ANKS1B: variants seen among roughly 807,000 people sequenced by gnomAD.
ANKS1B encodes the protein ankyrin repeat and sterile alpha motif domain-containing protein 1B.
A neutral mutation model predicts 148.3 loss-of-function variants in ANKS1B; 36 were observed. That is an observed-to-expected ratio of 0.24 (90% CI 0.19 to 0.32). The LOEUF is 0.32. Ranked by LOEUF, ANKS1B falls within the 10% of genes least tolerant of loss-of-function variation. The pLI is 1.00. For missense variants in ANKS1B, 1,157 were observed against 1,542.6 expected (o/e 0.75, Z 4.19); for synonymous variants, 542 against 560.8 (o/e 0.97, Z 0.47).
chr12:99,348,937 T>C (rs779680841), intron 12 of ANKS1B, among the ~76,000 whole-genome samples: 16 of 152,080 alleles, frequency 1.1e-4, no homozygotes, highest in South Asian at 6.2e-4. Context: ...CCTCTTCTTT[T>C]TCCTATGTCA....
At chr12:99,025,068 AC>A (rs940263570) in intron 17 of ANKS1B, among the ~76,000 whole-genome samples, 6 of 151,950 alleles carry the variant, frequency 3.9e-5, no homozygotes, top group Admixed American at 3.3e-4. Context: ...GGCATGTGGT[AC>A]CCCCCTCTCT....
intron 14 of ANKS1B, among the ~76,000 whole-genome samples, chr12:99,195,197 G>A (rs930357586): frequency 6.6e-6 from 1 of 152,094 alleles, no homozygotes; most frequent in Non-Finnish European, 1.5e-5. Flanking sequence ...ATAGCTAGCT[G>A]AGAATTTTAA....
chr12:99,052,178 T>C (rs575577123), intron 17 of ANKS1B, among the ~76,000 whole-genome samples: 1 of 152,286 alleles, frequency 6.6e-6, no homozygotes, highest in East Asian at 1.9e-4. Flanking sequence ...TGCTAGAAAA[T>C]AACAAAAGTA....
intron 12 of ANKS1B, among the ~76,000 whole-genome samples, chr12:99,385,074 T>A (rs2093801921): frequency 6.6e-6 from 1 of 152,216 alleles, no homozygotes; most frequent in African/African-American, 2.4e-5. Flanking sequence ...GTAGCTCATA[T>A]GCTTAAAGTT....
intron 17 of ANKS1B, among the ~76,000 whole-genome samples, chr12:98,942,259 G>C (rs771381336): frequency 5.3e-5 from 8 of 151,640 alleles, no homozygotes; most frequent in Non-Finnish European, 1.2e-4. Context: ...GTGGGGGAGC[G>C]GGGGGAGGGG....
At chr12:99,520,711 G>A (rs1204445287) in intron 9 of ANKS1B, among the ~76,000 whole-genome samples, 1 of 152,052 alleles carries the variant, frequency 6.6e-6, no homozygotes, top group Non-Finnish European at 1.5e-5. Context: ...GACCTTTTGA[G>A]GCTATTTTCC....
chr12:99,149,054 G>T (rs953772031), intron 15 of ANKS1B, among the ~76,000 whole-genome samples: 4 of 150,248 alleles, frequency 2.7e-5, no homozygotes, highest in African/African-American at 7.3e-5. Flanking sequence ...ATTGGAACAA[G>T]AAATTATCAC....
intron 17 of ANKS1B, among the ~76,000 whole-genome samples, chr12:98,945,352 G>A (rs776198149): frequency 6.6e-6 from 1 of 151,812 alleles, no homozygotes; most frequent in African/African-American, 2.4e-5. Context: ...AAAATTAGGC[G>A]GGCGTAGTGG....
chr12:99,085,381 CAA>C lies in ANKS1B; in HGVS notation c.2527-360_2527-359del, dbSNP rs11310854. ...AAAAATAAATAAATAAAAAAAGATC[CAA>C]AAAAAAAAACTTTGTTTCTGTAAAA... On this transcript the variant is annotated intron_variant, in intron 15 of 26. Transcript: ENST00000683438. Among the ~76,000 whole-genome samples, 112 of 143,992 alleles carry C rather than the reference CAA, an allele frequency of 7.8e-4. 1 individual carries two copies. Among genetic ancestry groups the C allele is most frequent in the Non-Finnish European group, 1.4e-3 (94 of 65,430 alleles). The allele number at this position is 143,992 out of a possible 152,430, so 94.5% of individuals were successfully genotyped here.
chr12:99,669,738 T>A (rs1599286059), intron 8 of ANKS1B, among the ~76,000 whole-genome samples: 1 of 152,196 alleles, frequency 6.6e-6, no homozygotes, highest in Non-Finnish European at 1.5e-5. Context: ...TAGGTTGTTT[T>A]CTGGACCTCT....
At chr12:99,097,653 T>C (rs1474575750) in intron 15 of ANKS1B, among the ~76,000 whole-genome samples, 1 of 152,180 alleles carries the variant, frequency 6.6e-6, no homozygotes, top group Non-Finnish European at 1.5e-5. Context: ...AAATCAATGA[T>C]AGTAATAGAG....
At chr12:99,453,096 C>T (rs1036157562) in intron 10 of ANKS1B, among the ~76,000 whole-genome samples, 4 of 150,908 alleles carry the variant, frequency 2.7e-5, no homozygotes, top group Admixed American at 6.6e-5. Context: ...CGAGACCATC[C>T]TGGCTAACAT....
chr12:99,089,781 T>C (rs1469619657), intron 15 of ANKS1B, among the ~76,000 whole-genome samples: 1 of 152,226 alleles, frequency 6.6e-6, no homozygotes, highest in African/African-American at 2.4e-5. Context: ...GGTGGGGCTA[T>C]AAATCTATGC....
At chr12:99,698,017 T>A (rs1457842542) in intron 8 of ANKS1B, among the ~76,000 whole-genome samples, 1 of 152,048 alleles carries the variant, frequency 6.6e-6, no homozygotes, top group Non-Finnish European at 1.5e-5. Context: ...AAACGTTAGA[T>A]TACCTATATG....
chr12:99,491,018 C>G (rs2096549595), intron 10 of ANKS1B, among the ~76,000 whole-genome samples: 1 of 152,116 alleles, frequency 6.6e-6, no homozygotes, highest in Admixed American at 6.5e-5. Context: ...TGAGTGATTC[C>G]ATGAAGTAAG....
At chr12:98,894,498 C>T in intron 17 of ANKS1B, 5 of 891,670 alleles carry the variant, frequency 5.6e-6, no homozygotes. Context: ...CCCGGCAAAG[C>T]GTCTCCGCAG....
chr12:99,318,493 T>C (rs2084590682), intron 12 of ANKS1B, among the ~76,000 whole-genome samples: 1 of 152,214 alleles, frequency 6.6e-6, no homozygotes, highest in Non-Finnish European at 1.5e-5. Flanking sequence ...TTTGTATGTA[T>C]TTCTGTGGGA....
At chr12:99,674,229 TATA>T (rs1351852499) in intron 8 of ANKS1B, among the ~76,000 whole-genome samples, 2 of 151,866 alleles carry the variant, frequency 1.3e-5, no homozygotes, top group Admixed American at 6.6e-5. Context: ...TATTGGGGAT[TATA>T]ATAATTTATG....
intron 1 of ANKS1B, among the ~76,000 whole-genome samples, chr12:99,853,446 T>C (rs900417545): frequency 1.1e-4 from 17 of 152,112 alleles, no homozygotes; most frequent in Admixed American, 2.0e-4. Context: ...GCCCAGAGCC[T>C]GGTAGCTCTG....
Sources: allele counts gnomAD v4.1 joint callset (sites outside exome capture counted in the v4.1 genomes callset), GRCh38; gene constraint gnomAD v4.1.1; transcripts MANE v1.5; gene names NCBI Gene and HGNC (gene_info 2026-07-23, HGNC 2026-07-21).